Variants in VGLL4 observed in about 807,000 individuals in gnomAD.
The protein encoded by VGLL4 is vestigial like family member 4.
In VGLL4, 7 loss-of-function variants were observed where a neutral mutation model predicts 21.0. That is an observed-to-expected ratio of 0.33 (90% confidence interval 0.19 to 0.63). VGLL4 has a LOEUF of 0.63. Ranked by LOEUF, VGLL4 falls within the 20% of genes least tolerant of loss-of-function variation. The probability of loss-of-function intolerance (pLI) is 0.78; values close to 1 mark genes in which losing one functional copy is unlikely to be tolerated. For missense variants in VGLL4, 394 were observed against 425.7 expected (o/e 0.93, Z 0.66); for synonymous variants, 222 against 173.2 (o/e 1.28, Z -2.21).
At chr3:11,707,721 T>C (rs1428651252) in intron 1 of VGLL4, among the ~76,000 whole-genome samples, 11 of 152,048 alleles carry the variant, frequency 7.2e-5, no homozygotes, top group African/African-American at 2.7e-4. Context: ...TAGCCGGGCA[T>C]AGGGACGTAT....
chr3:11,607,296 C>G (rs9836329), intron 1 of VGLL4: 142,611 of 152,282 alleles, frequency 0.94, 66,909 homozygotes, highest in African/African-American at 0.95. Context: ...GATGAACCTA[C>G]AAAACAGTAT....
chr3:11,586,568 C>G (rs889540431), intron 2 of VGLL4, among the ~76,000 whole-genome samples: 4 of 152,200 alleles, frequency 2.6e-5, no homozygotes, highest in African/African-American at 7.2e-5. Flanking sequence ...CTAAACAATA[C>G]AGTATAACAA....
intron 3 of VGLL4, 21 bp downstream of exon 3, chr3:11,564,776 C>T (rs1171589436): frequency 7.2e-6 from 11 of 1,534,552 alleles, no homozygotes; most frequent in African/African-American, 1.4e-5. Context: ...CCCCACGCCA[C>T]CCTCCCAGAC....
At chr3:11,604,272 T>TCCATCTTCCAAAGCCCCCCACGCCCCC (rs879805593) in intron 1 of VGLL4, 1 of 623,480 alleles carries the variant, frequency 1.6e-6, no homozygotes, top group African/African-American at 2.6e-5. Context: ...AAGCACGGTT[T>TCCATCTTCCAAAGCCCCCCACGCCCCC]GCCTCATTTG....
At chr3:11,718,625 C>T (rs1331954180) in intron 1 of VGLL4, among the ~76,000 whole-genome samples, 2 of 151,790 alleles carry the variant, frequency 1.3e-5, no homozygotes, top group Non-Finnish European at 2.9e-5. Flanking sequence ...TTGTCTTTGA[C>T]TATTTAGAGG....
At chr3:11,697,086 T>C (rs1295955677) in intron 2 of VGLL4, among the ~76,000 whole-genome samples, 1 of 152,072 alleles carries the variant, frequency 6.6e-6, no homozygotes, top group Admixed American at 6.6e-5. Flanking sequence ...TCAGTATATG[T>C]ATATGAAGAT....
At chr3:11,582,500 G>C in intron 2 of VGLL4, 1 of 764,018 alleles carries the variant, frequency 1.3e-6, no homozygotes, top group Non-Finnish European at 2.0e-6. Context: ...TCCTGGGGTA[G>C]GTCAGGAACT....
intron 2 of VGLL4, among the ~76,000 whole-genome samples, chr3:11,570,589 G>A (rs900533843): frequency 1.3e-5 from 2 of 152,186 alleles, no homozygotes; most frequent in Non-Finnish European, 2.9e-5. Flanking sequence ...AATCATTAAG[G>A]TACACATAGT....
At position 11,703,056 on chromosome 3, in the gene VGLL4, A is replaced by T. The variant is rs752802091; in HGVS notation, c.-13-9T>A. 9.7e-6 allele frequency: 15 copies of T among 1,541,532 alleles called. No homozygotes were observed. The South Asian group carries it at 1.3e-4, about 13-fold the overall frequency. On this transcript the variant is annotated splice_polypyrimidine_tract_variant and intron_variant, in intron 1 of 5. Coordinates refer to the VGLL4 transcript ENST00000273038. The stretch of plus-strand genomic sequence containing the variant: ...CCATTCCTGGTTGGAGCCTAAGAGG[A>T]AAAAATAAAAGGGGAAAAAATAATT...
chr3:11,717,579 G>T (rs553353997), intron 1 of VGLL4, among the ~76,000 whole-genome samples: 2 of 142,174 alleles, frequency 1.4e-5, no homozygotes, highest in South Asian at 4.5e-4. Context: ...GGCCTCAAGC[G>T]ATCCTCTTAT....
chr3:11,659,057 C>T (rs886305488), intron 2 of VGLL4, among the ~76,000 whole-genome samples: 4 of 152,060 alleles, frequency 2.6e-5, no homozygotes, highest in African/African-American at 9.7e-5. Flanking sequence ...ATTTCCATGC[C>T]TCTAAGAATT....
At chr3:11,707,750 T>G (rs964353111) in intron 1 of VGLL4, among the ~76,000 whole-genome samples, 1 of 152,104 alleles carries the variant, frequency 6.6e-6, no homozygotes, top group African/African-American at 2.4e-5. Context: ...TCCCAGCTAC[T>G]CGGGAGGCTG....
intron 2 of VGLL4, among the ~76,000 whole-genome samples, chr3:11,675,576 TG>T (rs1296867578): frequency 6.6e-6 from 1 of 152,024 alleles, no homozygotes; most frequent in African/African-American, 2.4e-5. Flanking sequence ...AATATAAAAG[TG>T]TAATATATAA....
intron 2 of VGLL4, among the ~76,000 whole-genome samples, chr3:11,596,518 A>G (rs1375937230): frequency 1.3e-5 from 2 of 152,186 alleles, no homozygotes; most frequent in Non-Finnish European, 2.9e-5. Flanking sequence ...GAGATAGAGT[A>G]TGGAACGGGG....
At chr3:11,599,739 C>T (rs886678559) in intron 2 of VGLL4, among the ~76,000 whole-genome samples, 2 of 148,940 alleles carry the variant, frequency 1.3e-5, no homozygotes, top group Non-Finnish European at 3.0e-5. Flanking sequence ...AGGCTGGTCT[C>T]GAACTCCTGG....
At chr3:11,675,054 A>T (rs1010600371) in intron 2 of VGLL4, among the ~76,000 whole-genome samples, 4 of 152,252 alleles carry the variant, frequency 2.6e-5, no homozygotes, top group Non-Finnish European at 5.9e-5. Context: ...ACCAAAATGC[A>T]ACATAGGCTG....
chr3:11,558,379 C>T lies in VGLL4; in HGVS notation c.*177G>A, dbSNP rs1378327428. 1.0e-5 allele frequency: 11 copies of T among 1,067,266 alleles called. No individual in the cohort carries two copies. Among genetic ancestry groups the T allele is most frequent in the Admixed American group, 5.7e-5 (2 of 35,074 alleles). 66.1% of individuals were successfully genotyped at this position (1,067,266 alleles called of 1,614,324 possible). Reference sequence around the variant, plus strand: ...TATCATGTTTGAGGGCCCCCTTGTACGGATACCAAGCAAGTACAAAAACAG... The same window carrying T: ...TATCATGTTTGAGGGCCCCCTTGTATGGATACCAAGCAAGTACAAAAACAG... On this transcript the variant is annotated 3_prime_UTR_variant, in exon 5 of 5. Coordinates refer to ENST00000430365, the MANE Select transcript of VGLL4 (RefSeq NM_001128219.3).
chr3:11,559,044 C>T (rs556493091), intron 4 of VGLL4, among the ~76,000 whole-genome samples: 2 of 152,180 alleles, frequency 1.3e-5, no homozygotes, highest in Non-Finnish European at 2.9e-5. Flanking sequence ...GGCCAGAGTC[C>T]GAGTTCAGAA....
At chr3:11,579,418 G>A (rs1165760006) in intron 2 of VGLL4, among the ~76,000 whole-genome samples, 1 of 152,162 alleles carries the variant, frequency 6.6e-6, no homozygotes, top group Non-Finnish European at 1.5e-5. Flanking sequence ...TTATAAAACT[G>A]CATTTCTTTT....
Sources: allele counts gnomAD v4.1 joint callset (sites outside exome capture counted in the v4.1 genomes callset), GRCh38; gene constraint gnomAD v4.1.1; transcripts MANE v1.5; gene names NCBI Gene and HGNC (gene_info 2026-07-23, HGNC 2026-07-21).